The following SGCD variants were observed in gnomAD, a reference collection of about 807,000 sequenced individuals.
SGCD encodes the protein sarcoglycan delta, also known as delta-sarcoglycan.
In SGCD, 18 loss-of-function variants were observed where a neutral mutation model predicts 36.6. The observed-to-expected ratio is 0.49, with a 90% CI of 0.34 to 0.73. The LOEUF is 0.73. SGCD is among the 30% of genes least tolerant of loss of function. The pLI, the probability that SGCD is intolerant of heterozygous loss-of-function variation, is 0.01. For missense variants in SGCD, 387 were observed against 346.7 expected, an observed-to-expected ratio of 1.12 and a Z score of -0.92; for synonymous variants, 133 against 130.6, an observed-to-expected ratio of 1.02 and a Z score of -0.12.
At chr5:156,131,889 G>A (rs2127606514) in intron 3 of SGCD, among the ~76,000 whole-genome samples, 1 of 152,264 alleles carries the variant, frequency 6.6e-6, no homozygotes, top group East Asian at 1.9e-4. Flanking sequence ...TCCACAATTT[G>A]TATTACTGTC....
In SGCD at chr5:156,757,662, C is replaced by T; in HGVS notation, c.657C>T (p.Ala219=). The change falls in exon 8 of 9, where the codon GCC becomes GCT. Residue 219 remains alanine (A), a synonymous_variant. Transcript: ENST00000337851. ...ATGCAGAAGCTGGCAATATGGAAGC[C>T]ACCTGCAGGACAGAGCTGAGACTGG... ...EINAEAGNME[A]TCRTELRLES... 2 of 1,609,692 alleles carry T rather than the reference C, an allele frequency of 1.2e-6. No individual in the cohort carries two copies. The highest frequency in any genetic ancestry group is 1.7e-6 in the Non-Finnish European group (2 of 1,178,042).
In SGCD at chr5:156,350,090, G is replaced by A. The variant is rs541394246; in HGVS notation, c.192+5413G>A. On this transcript the variant is annotated intron_variant, in intron 3 of 8. Transcript: ENST00000337851. ...GACATTGGAGACTCAGAAGAGGAGA[G>A]GGTGGGAAGGGGATGATGAAGGATG... Among the ~76,000 whole-genome samples, 43 of 151,478 alleles carry A rather than the reference G, an allele frequency of 2.8e-4. No homozygotes were observed. The South Asian group carries it at 8.4e-3, about 30-fold the overall frequency.
intron 1 of SGCD, among the ~76,000 whole-genome samples, chr5:155,873,479 C>T (rs892525741): frequency 3.3e-5 from 5 of 151,982 alleles, no homozygotes; most frequent in Non-Finnish European, 7.4e-5. Context: ...ATAATGTGTA[C>T]ACATGGACAC....
At chr5:156,289,990 C>T (rs1581221656) in intron 3 of SGCD, among the ~76,000 whole-genome samples, 1 of 152,042 alleles carries the variant, frequency 6.6e-6, no homozygotes, top group African/African-American at 2.4e-5. Context: ...AGAAGAAAGA[C>T]AATCTTATAG....
At position 156,344,538 on chromosome 5, in the gene SGCD, T is replaced by G; in HGVS notation, c.53T>G (p.Val18Gly). 6.2e-7 allele frequency: 1 copy of G among 1,610,732 alleles called. No homozygotes were observed. The highest frequency in any genetic ancestry group is 1.1e-5 in the South Asian group (1 of 90,246). ...THHRSTMPGS[V>G]GPQVYKVGIY... ...CACCGGAGCACCATGCCTGGCTCTG[T>G]GGGGCCACAGGTATACAAGGTGGGG... The change falls in exon 3 of 9, where the codon GTG becomes GGG. Residue 18 changes from valine to glycine, a missense_variant. Val to Gly is a moderately radical substitution (Grantham distance 109). Transcript: ENST00000337851.
chr5:156,496,868 C>T (rs1409925986), intron 3 of SGCD, among the ~76,000 whole-genome samples: 1 of 152,138 alleles, frequency 6.6e-6, no homozygotes, highest in East Asian at 1.9e-4. Flanking sequence ...CCTCCATGGG[C>T]ATGTAGCTTG....
intron 3 of SGCD, among the ~76,000 whole-genome samples, chr5:156,266,178 A>C (rs941319615): frequency 1.3e-5 from 2 of 152,230 alleles, no homozygotes; most frequent in Non-Finnish European, 2.9e-5. Context: ...ATTGGAAAAA[A>C]GTACCTATTT....
chr5:156,106,783 T>C lies in SGCD; in HGVS notation c.-281-11095T>C, dbSNP rs202075925. Among the ~76,000 whole-genome samples the C allele has an allele frequency of 3.9e-5, 6 of 152,324 alleles. 1 individual carries two copies. The East Asian group carries it at 9.6e-4, about 24-fold the overall frequency. On this transcript the variant is annotated intron_variant, in intron 1 of 9. Coordinates refer to the SGCD transcript ENST00000517913. ...TTTCTTGCCCACTAATATCTGTGTA[T>C]ACAGAGTTAATCCCCTTTCAGTGAT...
At chr5:155,781,053 C>T in the SGCD span, among the ~76,000 whole-genome samples, 12 of 152,206 alleles carry the variant, frequency 7.9e-5, no homozygotes, top group African/African-American at 2.2e-4. Context: ...TTTCAGAAGT[C>T]AAGTGAGACT....
At chr5:155,814,145 G>A in the SGCD span, among the ~76,000 whole-genome samples, 1 of 152,180 alleles carries the variant, frequency 6.6e-6, no homozygotes, top group Non-Finnish European at 1.5e-5. Context: ...CCTCTCTGTT[G>A]TTTCTAGGCA....
intron 3 of SGCD, among the ~76,000 whole-genome samples, chr5:156,145,893 C>T (rs1005794628): frequency 6.6e-6 from 1 of 152,160 alleles, no homozygotes; most frequent in Non-Finnish European, 1.5e-5. Context: ...TGTGCCATAA[C>T]TTTGAGCAAC....
At chr5:156,443,232 G>A (rs545297497) in intron 3 of SGCD, among the ~76,000 whole-genome samples, 1 of 152,204 alleles carries the variant, frequency 6.6e-6, no homozygotes, top group East Asian at 1.9e-4. Context: ...TGATCTGCCT[G>A]CCTTGGCCTC....
the SGCD span, among the ~76,000 whole-genome samples, chr5:155,750,060 A>G: frequency 1.3e-5 from 2 of 152,142 alleles, no homozygotes; most frequent in African/African-American, 4.8e-5. Flanking sequence ...TTCCATTTAA[A>G]GATTCTAAAA....
At chr5:156,251,257 A>G (rs1274978366) in intron 3 of SGCD, among the ~76,000 whole-genome samples, 3 of 152,204 alleles carry the variant, frequency 2.0e-5, no homozygotes, top group African/African-American at 4.8e-5. Context: ...TAATCTGGAA[A>G]CATTTTGGTT....
intron 1 of SGCD, among the ~76,000 whole-genome samples, chr5:155,979,239 C>G (rs1285836151): frequency 1.3e-5 from 2 of 152,080 alleles, no homozygotes; most frequent in African/African-American, 4.8e-5. Context: ...AGTGCATTAG[C>G]CTTTGTAGAT....
chr5:156,591,203 T>C (rs1176352004), intron 5 of SGCD, among the ~76,000 whole-genome samples: 1 of 152,120 alleles, frequency 6.6e-6, no homozygotes, highest in Non-Finnish European at 1.5e-5. Flanking sequence ...GCTGTACTTG[T>C]TGGAAAACAA....
chr5:156,598,370 C>T (rs1326544400), intron 6 of SGCD, among the ~76,000 whole-genome samples: 1 of 151,910 alleles, frequency 6.6e-6, no homozygotes, highest in East Asian at 1.9e-4. Flanking sequence ...GGTGAAACCC[C>T]GTCTCTACTA....
At chr5:156,430,924 G>GT (rs901125620) in intron 3 of SGCD, among the ~76,000 whole-genome samples, 2 of 152,150 alleles carry the variant, frequency 1.3e-5, no homozygotes, top group Admixed American at 1.3e-4. Context: ...TTTTTTCCCA[G>GT]TATTTTATTG....
intron 3 of SGCD, 145 bp downstream of exon 3, chr5:156,344,822 G>A (rs1052123357): frequency 4.5e-5 from 27 of 600,800 alleles, no homozygotes; most frequent in Non-Finnish European, 6.9e-5. Context: ...GAGCATTTCT[G>A]TTCAGATTGA....
Sources: gnomAD v4.1 joint callset for allele counts (sites outside exome capture counted in the v4.1 genomes callset) on GRCh38, gnomAD v4.1.1 for gene constraint, MANE v1.5 for transcripts, NCBI Gene and HGNC (gene_info 2026-07-23, HGNC 2026-07-21) for gene names.